The following PABPN1L variants were observed in gnomAD, a reference collection of about 807,000 sequenced individuals.
The protein encoded by PABPN1L is embryonic polyadenylate-binding protein 2.
In PABPN1L, 45 loss-of-function variants were observed where a neutral mutation model predicts 34.0. The ratio of observed to expected loss-of-function variants is 1.32; its 90% CI spans 1.04 to 1.70. PABPN1L has a LOEUF of 1.70. Among genes scored for constraint, PABPN1L ranks in the 40% most tolerant of loss-of-function variants. The pLI, the probability that PABPN1L is intolerant of heterozygous loss-of-function variation, is 0.00. For missense variants in PABPN1L, 459 were observed against 367.8 expected, an observed-to-expected ratio of 1.25 and a Z score of -2.03; for synonymous variants, 182 against 152.1, an observed-to-expected ratio of 1.20 and a Z score of -1.45.
chr16:88,866,478 C>G (rs186881637), exon 1 of PABPN1L: 1 of 1,551,400 alleles, frequency 6.4e-7, no homozygotes, highest in Non-Finnish European at 8.7e-7. Flanking sequence ...CTTCCCCACC[C>G]TCTGGCCCCA....
chr16:88,864,144 C>T, intron 6 of PABPN1L, 93 bp downstream of exon 6: 2 of 1,427,882 alleles, frequency 1.4e-6, no homozygotes, highest in Non-Finnish European at 1.9e-6. Flanking sequence ...TTCCTGCAGC[C>T]CCATGAGGAA....
upstream of PABPN1L, among the ~76,000 whole-genome samples, chr16:88,868,541 G>A (rs966441458): frequency 7.2e-5 from 11 of 152,128 alleles, no homozygotes; most frequent in African/African-American, 2.7e-4. Flanking sequence ...GGGAGGCAGA[G>A]GTTGCAGTGA....
At position 88,866,472 on chromosome 16, in the gene PABPN1L, C is replaced by T. The variant is rs368221380; in HGVS notation, c.135G>A (p.Gly45=). 2.4e-4 allele frequency: 377 copies of T among 1,551,514 alleles called. 1 individual carries two copies. Among genetic ancestry groups the T allele is most frequent in the Admixed American group, 5.7e-4 (29 of 51,024 alleles). Residue 45 remains glycine (G), a synonymous_variant, in exon 1 of 7, where the codon GGG becomes GGA. Coordinates refer to ENST00000419291, the Ensembl canonical transcript of PABPN1L. Reference sequence around the variant, plus strand: ...CCTCCTCTTTCTCCTCCTTCCCTTCCCCACCCTCTGGCCCCAGAATCTCCT... The same window carrying T: ...CCTCCTCTTTCTCCTCCTTCCCTTCTCCACCCTCTGGCCCCAGAATCTCCT...
upstream of PABPN1L, among the ~76,000 whole-genome samples, chr16:88,870,036 C>A (rs1016846863): frequency 6.6e-6 from 1 of 152,202 alleles, no homozygotes; most frequent in Non-Finnish European, 1.5e-5. Context: ...CTGAGAGGGG[C>A]AAGCCGTCCC....
rs150509685 is a variant in PABPN1L at position 88,865,459 on chromosome 16, C to A, written c.459+104G>T. On this transcript the variant is annotated intron_variant, in intron 3 of 6. Coordinates refer to ENST00000419291, the Ensembl canonical transcript of PABPN1L. The stretch of plus-strand genomic sequence containing the variant: ...TGACGGGGCTGCCCCCAGGGTCAGA[C>A]CCCCTTCCCAGCAAGGCTGCCTGGC... 7.0e-6 allele frequency: 10 copies of A among 1,431,862 alleles called. No individual in the cohort carries two copies. In the Admixed American group the frequency reaches 1.9e-4, roughly 27 times the overall value. The allele number at this position is 1,431,862 out of a possible 1,614,324, so 88.7% of individuals were successfully genotyped here. A position where few individuals can be genotyped will look rare whatever the true frequency, so the allele number is the denominator to read the frequency against.
chr16:88,863,731 C>CCT, exon 7 of PABPN1L: 1 of 1,535,786 alleles, frequency 6.5e-7, no homozygotes, highest in East Asian at 2.4e-5. Context: ...GGCCCCAGCC[C>CCT]CTCTCTCAAA....
chr16:88,864,435 C>T, intron 5 of PABPN1L, 56 bp from the exon 6 acceptor site: 1 of 1,494,390 alleles, frequency 6.7e-7, no homozygotes, highest in Admixed American at 2.2e-5. Flanking sequence ...ACCCAGCTCA[C>T]AGCCCCCGCA....
exon 5 of PABPN1L, chr16:88,864,936 C>T (rs759438999): frequency 1.6e-6 from 2 of 1,281,116 alleles, no homozygotes; most frequent in Non-Finnish European, 2.2e-6. Context: ...TCTATGTAGG[C>T]ATAACTGAGG....
chr16:88,863,906 A>G lies in PABPN1L; in HGVS notation c.798-111T>C. 3 of 1,139,732 alleles carry G rather than the reference A, an allele frequency of 2.6e-6. No homozygotes were observed. The South Asian group carries it at 4.4e-5, about 17-fold the overall frequency. 70.6% of individuals were successfully genotyped at this position (1,139,732 alleles called of 1,614,324 possible). On this transcript the variant is annotated intron_variant, in intron 6 of 6. Transcript: ENST00000419291. Reference sequence around the variant, plus strand: ...ATGCAGGGAGGTCACCTGGCTGCTCAGGCAATGCCCCAGGGGCCTTTCTGG... The same window carrying G: ...ATGCAGGGAGGTCACCTGGCTGCTCGGGCAATGCCCCAGGGGCCTTTCTGG...
At chr16:88,865,614 C>G (rs1453679604) in exon 3 of PABPN1L, 7 of 1,609,656 alleles carry the variant, frequency 4.3e-6, no homozygotes, top group Non-Finnish European at 5.9e-6. Flanking sequence ...CCTCGGGGGT[C>G]CCAGAGAGGG....
chr16:88,868,790 T>G (rs1243227774), upstream of PABPN1L, among the ~76,000 whole-genome samples: 1 of 152,060 alleles, frequency 6.6e-6, no homozygotes, highest in African/African-American at 2.4e-5. Context: ...AAGGTGGGGG[T>G]AGAGAAGAGA....
chr16:88,866,820 T>A (rs181483773), upstream of PABPN1L, among the ~76,000 whole-genome samples: 255 of 152,196 alleles, frequency 1.7e-3, no homozygotes, highest in Non-Finnish European at 3.2e-3. Context: ...TCCAGGACAC[T>A]CTCCCTGGAG....
At chr16:88,868,207 CTCAA>C (rs1188633157), upstream of PABPN1L, among the ~76,000 whole-genome samples, 1 of 152,128 alleles carries the variant, frequency 6.6e-6, no homozygotes, top group Non-Finnish European at 1.5e-5. Flanking sequence ...TGAGATGGGT[CTCAA>C]TCAATCAGTT....
chr16:88,865,094 G>C, exon 4 of PABPN1L: 1 of 1,590,300 alleles, frequency 6.3e-7, no homozygotes, highest in Non-Finnish European at 8.6e-7. Flanking sequence ...GCTGAAGTGG[G>C]CCTCCAGCTC....
At chr16:88,866,654 TC>T (rs1968611729), upstream of PABPN1L, 7 of 1,479,646 alleles carry the variant, frequency 4.7e-6, no homozygotes, top group Non-Finnish European at 4.5e-6. Flanking sequence ...TCCCCTCCAC[TC>T]CCCTCGCGTC....
rs775977916 is a variant in PABPN1L at position 88,864,366 on chromosome 16, C to G, written c.668G>C (p.Arg223Thr). The change falls in exon 6 of 7, where the codon AGA becomes ACA. Residue 223 changes from arginine (R) to threonine (T), a missense_variant. Transcript: ENST00000419291. ...GGAGCTGATCCCAGGGAAGTTGGTT[C>G]TTTTCGGCAGCACCTGGAGCAAAGG... The G allele has an allele frequency of 2.6e-6, 4 of 1,555,704 alleles. No homozygotes were observed. The East Asian group carries it at 9.7e-5, about 38-fold the overall frequency.
exon 2 of PABPN1L, chr16:88,865,925 T>A (rs1425775632): frequency 6.2e-7 from 1 of 1,607,876 alleles, no homozygotes; most frequent in African/African-American, 1.3e-5. Context: ...CACCTTCATC[T>A]TGATGGCCTC....
At chr16:88,865,100 A>C (rs1231779175) in exon 4 of PABPN1L, 2 of 1,586,386 alleles carry the variant, frequency 1.3e-6, no homozygotes, top group African/African-American at 2.7e-5. Context: ...GTGGGCCTCC[A>C]GCTCCTCGGC....
chr16:88,864,813 T>A (rs776065845), intron 5 of PABPN1L, 40 bp downstream of exon 5: 2 of 1,547,600 alleles, frequency 1.3e-6, no homozygotes, highest in African/African-American at 2.7e-5. Context: ...GGCCAGCCCC[T>A]CTGCGCTCAT....
Sources: gnomAD v4.1 joint callset for allele counts (sites outside exome capture counted in the v4.1 genomes callset) on GRCh38, gnomAD v4.1.1 for gene constraint, MANE v1.5 for transcripts, NCBI Gene and HGNC (gene_info 2026-07-23, HGNC 2026-07-21) for gene names.